Variants in RBM14 observed in about 807,000 individuals in gnomAD.
The protein encoded by RBM14 is RNA-binding protein 14.
RBM14 carries 5 observed loss-of-function variants against 52.8 expected under a neutral mutation model. The observed-to-expected ratio is 0.09, with a 90% confidence interval of 0.05 to 0.20. The LOEUF (loss-of-function observed/expected upper bound fraction) is 0.20. Among genes scored for constraint, RBM14 ranks in the 10% least tolerant of loss-of-function variants. RBM14 has a pLI of 1.00. For missense variants in RBM14, 780 were observed against 926.6 expected, an observed-to-expected ratio of 0.84 and a Z score of 2.05; for synonymous variants, 411 against 401.8, an observed-to-expected ratio of 1.02 and a Z score of -0.28.
chr11:66,625,791 A>C lies in RBM14; in HGVS notation c.1802+113A>C. ...CCCCTCCCTCGGTCTTCTCTTCTCT[A>C]TTTTTGTGGGATGTCCAGAGGCCGA... On this transcript the variant is annotated intron_variant, in intron 2 of 2. Coordinates refer to ENST00000310137, the MANE Select transcript of RBM14 (RefSeq NM_006328.4). The surrounding 1 kb of genome is among the most constrained non-coding windows in gnomAD (Gnocchi z 4.2). The C allele has an allele frequency of 2.4e-6, 2 of 823,620 alleles. No individual in the cohort carries two copies. Among genetic ancestry groups the C allele is most frequent in the Non-Finnish European group, 3.7e-6 (2 of 538,472 alleles). 51.0% of individuals were successfully genotyped at this position (823,620 alleles called of 1,614,324 possible).
At position 66,625,460 on chromosome 11, in the gene RBM14, TGCTGCC is replaced by T; in HGVS notation, c.1585_1590del (p.Ala529_Ala530del). ...CATCAGCCTCATTGGCTGCTTCCTA[TGCTGCC>T]CAGCAGCATCCCCAGGCTGCTGCCT... On this transcript the variant is annotated inframe_deletion, in exon 2 of 3. Transcript: ENST00000310137. This position sits in a 1 kb window ranked among gnomAD's most constrained non-coding sequence, Gnocchi z 4.2. 1 of 1,613,580 alleles carries T rather than the reference TGCTGCC, an allele frequency of 6.2e-7. No homozygotes were observed. Among genetic ancestry groups the T allele is most frequent in the African/African-American group, 1.3e-5 (1 of 75,036 alleles).
Position 66,629,072 on chromosome 11 carries a change from A to G in RBM14, c.*2404A>G, listed in dbSNP as rs979182388. Among the ~76,000 whole-genome samples, 4 of 152,182 alleles carry G rather than the reference A, an allele frequency of 2.6e-5. No homozygotes were observed. The highest frequency in any genetic ancestry group is 7.2e-5 in the African/African-American group (3 of 41,446). On this transcript the variant is annotated 3_prime_UTR_variant, in exon 3 of 3. Transcript: ENST00000310137. Reference sequence around the variant, plus strand: ...ATCATTTGTCATTTTTCTCTGGCAGATTGTTTTAAAATCTCCCTCCCCTCT... The same window carrying G: ...ATCATTTGTCATTTTTCTCTGGCAGGTTGTTTTAAAATCTCCCTCCCCTCT...
Position 66,627,827 on chromosome 11 carries a change from G to A in RBM14, c.*1159G>A, listed in dbSNP as rs1007580523. Among the ~76,000 whole-genome samples, 3 of 152,196 alleles carry A rather than the reference G, an allele frequency of 2.0e-5. No individual in the cohort carries two copies. The highest frequency in any genetic ancestry group is 4.4e-5 in the Non-Finnish European group (3 of 68,026). ...GAAAGGAACCAGTAGTGGAGTGGGG[G>A]TAATGGCGTTGCCTGATACTGCCCT... On this transcript the variant is annotated 3_prime_UTR_variant, in exon 3 of 3. Transcript: ENST00000310137.
rs1341498802 is a variant in RBM14 at position 66,625,729 on chromosome 11, GC to G, written c.1802+52del. 5 of 1,412,278 alleles carry G rather than the reference GC, an allele frequency of 3.5e-6. No individual in the cohort carries two copies. The highest frequency in any genetic ancestry group is 4.8e-6 in the Non-Finnish European group (5 of 1,042,446). 87.5% of individuals were successfully genotyped at this position (1,412,278 alleles called of 1,614,324 possible). A position where few individuals can be genotyped will look rare whatever the true frequency, so the allele number is the denominator to read the frequency against. ...CCCCAGCTGGGGCTTAGGGCAAGGG[GC>G]TGAGGTTGGCATGGGAGGGAAACTG... On this transcript the variant is annotated intron_variant, in intron 2 of 2. Transcript: ENST00000310137. The surrounding 1 kb of genome is among the most constrained non-coding windows in gnomAD (Gnocchi z 4.2).
rs202181234 is a variant in RBM14 at position 66,625,375 on chromosome 11, C to G, written c.1499C>G (p.Ala500Gly). The G allele has an allele frequency of 1.9e-6, 3 of 1,611,402 alleles. No individual in the cohort carries two copies. The highest frequency in any genetic ancestry group is 2.5e-6 in the Non-Finnish European group (3 of 1,179,076). Residue 500 changes from alanine to glycine, a missense_variant, in exon 2 of 3, where the codon GCC (alanine) becomes GGC (glycine). Physicochemically the swap from Ala to Gly is moderately conservative, Grantham distance 60. Coordinates refer to ENST00000310137, the MANE Select transcript of RBM14 (RefSeq NM_006328.4). The surrounding 1 kb of genome is among the most constrained non-coding windows in gnomAD (Gnocchi z 4.2). ...GCTGCGGCCACTGGCTCCTATGGTG[C>G]CGCAGCAGCCTACGGGGCCCAACCT... ...SAAAATGSYG[A>G]AAAYGAQPSA... is the part of the protein sequence containing the mutation.
chr11:66,621,829 C>G (rs948529022), intron 1 of RBM14, among the ~76,000 whole-genome samples: 1 of 152,162 alleles, frequency 6.6e-6, no homozygotes, highest in Non-Finnish European at 1.5e-5. Flanking sequence ...CTGTTCATAT[C>G]TTACAAGGCA....
At chr11:66,623,613 C>T (rs1001155177) in intron 1 of RBM14, among the ~76,000 whole-genome samples, 2 of 152,144 alleles carry the variant, frequency 1.3e-5, no homozygotes, top group African/African-American at 4.8e-5. Flanking sequence ...TCCTCCTGTA[C>T]CTAAGAGTGC....
chr11:66,620,616 T>C (rs2135009639), intron 1 of RBM14, among the ~76,000 whole-genome samples: 1 of 152,254 alleles, frequency 6.6e-6, no homozygotes, highest in East Asian at 1.9e-4. Context: ...TTTTTAAATT[T>C]TTTGATCAGT....
At position 66,625,529 on chromosome 11, in the gene RBM14, A is replaced by G; in HGVS notation, c.1653A>G (p.Ala551=). ...RGQPGNAYDG[A]GQPSAAYLSM... ...AGCCAGGCAATGCCTACGATGGGGC[A>G]GGTCAGCCGTCTGCAGCCTACCTGT... is the stretch of plus-strand genomic sequence containing the variant. Residue 551 remains alanine, a synonymous_variant, in exon 2 of 3, where the codon GCA becomes GCG. Transcript: ENST00000310137. This position sits in a 1 kb window ranked among gnomAD's most constrained non-coding sequence, Gnocchi z 4.2. The G allele has an allele frequency of 1.2e-6, 2 of 1,612,474 alleles. No homozygotes were observed. The highest frequency in any genetic ancestry group is 1.7e-6 in the Non-Finnish European group (2 of 1,179,418).
At chr11:66,617,294 A>G in intron 1 of RBM14, 1 of 1,336,198 alleles carries the variant, frequency 7.5e-7, no homozygotes, top group Non-Finnish European at 9.6e-7. Context: ...ACTGCGAGCC[A>G]AGCTACGGGG....
chr11:66,628,454 C>T lies in RBM14; in HGVS notation c.*1786C>T, dbSNP rs943533802. Among the ~76,000 whole-genome samples, 1 of 152,156 alleles carries T rather than the reference C, an allele frequency of 6.6e-6. No homozygotes were observed. Among genetic ancestry groups the T allele is most frequent in the African/African-American group, 2.4e-5 (1 of 41,426 alleles). On this transcript the variant is annotated 3_prime_UTR_variant, in exon 3 of 3. Coordinates refer to ENST00000310137, the MANE Select transcript of RBM14 (RefSeq NM_006328.4). Reference sequence around the variant, plus strand: ...AATATCTTGCCCTAGATGTCCTCTTCCCTCTTGCCATCGTGCAAAAGCATT... The same window carrying T: ...AATATCTTGCCCTAGATGTCCTCTTTCCTCTTGCCATCGTGCAAAAGCATT...
chr11:66,624,689 C>G lies in RBM14; in HGVS notation c.813C>G (p.Ala271=). The G allele has an allele frequency of 6.2e-7, 1 of 1,613,376 alleles. No individual in the cohort carries two copies. Residue 271 remains alanine, a synonymous_variant, in exon 2 of 3, where the codon GCC becomes GCG. Transcript: ENST00000310137. This position sits in a 1 kb window ranked among gnomAD's most constrained non-coding sequence, Gnocchi z 4.7. ...YRTQPMTAQA[A]SYRAQPSVSL... Reference sequence around the variant, plus strand: ...CTCAGCCCATGACAGCCCAGGCAGCCTCTTACCGCGCTCAGCCCTCTGTCT... The same window carrying G: ...CTCAGCCCATGACAGCCCAGGCAGCGTCTTACCGCGCTCAGCCCTCTGTCT...
intron 1 of RBM14, among the ~76,000 whole-genome samples, chr11:66,623,655 G>A (rs902422160): frequency 8.5e-5 from 13 of 152,178 alleles, no homozygotes; most frequent in African/African-American, 2.9e-4. Flanking sequence ...GTGAAAAAGC[G>A]GAGAGATCAT....
At chr11:66,623,390 C>T (rs1025687117) in intron 1 of RBM14, among the ~76,000 whole-genome samples, 1 of 152,138 alleles carries the variant, frequency 6.6e-6, no homozygotes, top group Non-Finnish European at 1.5e-5. Context: ...AATTTTTAGT[C>T]ATATTACACA....
rs80305213 is a variant in RBM14 at position 66,624,457 on chromosome 11, G to C, written c.581G>C (p.Ser194Thr). The C allele has an allele frequency of 3.3e-4, 529 of 1,613,898 alleles. No homozygotes were observed. The African/African-American group carries it at 6.0e-3, about 18-fold the overall frequency. Residue 194 changes from serine to threonine, a missense_variant, in exon 2 of 3, where the codon AGC (serine) becomes ACC (threonine). By Grantham distance (58) the Ser-to-Thr change is moderately conservative (BLOSUM62 1). Transcript: ENST00000310137. This position sits in a 1 kb window ranked among gnomAD's most constrained non-coding sequence, Gnocchi z 4.7. The stretch of plus-strand genomic sequence containing the variant: ...GACTACCAGCAGGCTTTTGGCAACA[G>C]CACTGGTGGCTTTGATGGGCAAGCC... ...TFDYQQAFGN[S>T]TGGFDGQARQ... is the part of the protein sequence containing the mutation.
intron 1 of RBM14, chr11:66,618,519 G>A (rs769572522): frequency 1.4e-6 from 1 of 717,432 alleles, no homozygotes; most frequent in South Asian, 1.5e-5. Flanking sequence ...ACGACTATCC[G>A]GAATCGGGCT....
chr11:66,617,315 G>T (rs1310659675), intron 1 of RBM14: 1 of 1,311,810 alleles, frequency 7.6e-7, no homozygotes, highest in African/African-American at 1.5e-5. Flanking sequence ...CCGGGGACGC[G>T]CCTGAGAGCC....
intron 1 of RBM14, among the ~76,000 whole-genome samples, chr11:66,618,008 C>T (rs1487015198): frequency 6.6e-6 from 1 of 152,336 alleles, no homozygotes; most frequent in African/African-American, 2.4e-5. Flanking sequence ...TAGTCTGATT[C>T]TCAGGGCAGA....
In RBM14 at chr11:66,624,174, G is replaced by C; in HGVS notation, c.338-40G>C. 6.5e-7 allele frequency: 1 copy of C among 1,544,682 alleles called. No individual in the cohort carries two copies. Among genetic ancestry groups the C allele is most frequent in the Non-Finnish European group, 8.7e-7 (1 of 1,143,516 alleles). ...TGGGACCCATCAGGTAGCATGCCCT[G>C]CCCCCCTAATTGCTAACCCTCTGTC... On this transcript the variant is annotated intron_variant, in intron 1 of 2. Transcript: ENST00000310137. This position sits in a 1 kb window ranked among gnomAD's most constrained non-coding sequence, Gnocchi z 4.7.
Sources: gnomAD v4.1 joint callset for allele counts (sites outside exome capture counted in the v4.1 genomes callset) on GRCh38, gnomAD v4.1.1 for gene constraint, Gnocchi (gnomAD v3.1) non-coding constraint, MANE v1.5 for transcripts, NCBI Gene and HGNC (gene_info 2026-07-23, HGNC 2026-07-21) for gene names.